Variants in CARD18 observed in about 807,000 individuals in gnomAD.
The protein encoded by CARD18 is caspase recruitment domain family member 18.
In CARD18, 7 loss-of-function variants were observed where a neutral mutation model predicts 7.9. That is an observed-to-expected ratio of 0.88 (90% confidence interval 0.50 to 1.66). The LOEUF (loss-of-function observed/expected upper bound fraction) is 1.66. Among genes scored for constraint, CARD18 ranks in the 40% most tolerant of loss-of-function variants. The probability of loss-of-function intolerance (pLI) is 0.00; values close to 1 mark genes in which losing one functional copy is unlikely to be tolerated. For missense variants in CARD18, 134 were observed against 105.5 expected, an observed-to-expected ratio of 1.27 and a Z score of -1.18; for synonymous variants, 34 against 34.8, an observed-to-expected ratio of 0.98 and a Z score of 0.08.
Position 105,139,066 on chromosome 11 carries a change from C to A in CARD18, c.20G>T (p.Arg7Leu). 1.2e-6 allele frequency: 2 copies of A among 1,612,744 alleles called. No homozygotes were observed. Among genetic ancestry groups the A allele is most frequent in the Non-Finnish European group, 1.7e-6 (2 of 1,179,308 alleles). The change falls in exon 2 of 3, where the codon CGT becomes CTT. Residue 7 changes from arginine (R) to leucine (L), a missense_variant. Physicochemically the swap from Arg to Leu is moderately radical, Grantham distance 102. Coordinates refer to ENST00000530950, the MANE Select transcript of CARD18 (RefSeq NM_021571.4). ...ATGGATAAAAATTCTTCTCTTTTTA[C>A]GCAAGAGTTGGTCTGTTGGAAGCAC... MADQLL[R>L]KKRRIFIHSV...
intron 1 of CARD18, chr11:105,139,407 C>T (rs1045617885): frequency 2.4e-5 from 13 of 535,232 alleles, no homozygotes; most frequent in Non-Finnish European, 4.0e-5. Context: ...TTGACTGTTT[C>T]CTTTGAGAAC....
rs987895757 is a variant in CARD18 at position 105,139,070 on chromosome 11, A to G, written c.16T>C (p.Leu6=). The G allele has an allele frequency of 3.1e-6, 5 of 1,612,568 alleles. 1 individual carries two copies. The highest frequency in any genetic ancestry group is 1.3e-5 in the African/African-American group (1 of 75,002). Residue 6 remains leucine (L), a synonymous_variant, in exon 2 of 3, where the codon TTG becomes CTG. Coordinates refer to ENST00000530950, the MANE Select transcript of CARD18 (RefSeq NM_021571.4). The part of the protein sequence containing the change: MADQL[L]RKKRRIFIHS... Reference sequence around the variant, plus strand: ...ATAAAAATTCTTCTCTTTTTACGCAAGAGTTGGTCTGTTGGAAGCACAAAG... The same window carrying G: ...ATAAAAATTCTTCTCTTTTTACGCAGGAGTTGGTCTGTTGGAAGCACAAAG...
At chr11:105,139,673 A>G (rs1865448978) in intron 1 of CARD18, 47 bp downstream of exon 1, 2 of 1,596,108 alleles carry the variant, frequency 1.3e-6, no homozygotes, top group Non-Finnish European at 1.7e-6. Flanking sequence ...GTCCTTTCCC[A>G]AACTAATTCC....
rs1865426093 is a variant in CARD18 at position 105,137,969 on chromosome 11, A to G, written c.*131T>C. On this transcript the variant is annotated 3_prime_UTR_variant, in exon 3 of 3. Transcript: ENST00000530950. ...TGAGAGAATGAAAGATTTATTGGAA[A>G]TTGATGAAATTAATCAGGTTTGAAA... 1 of 152,216 alleles carries G rather than the reference A, an allele frequency of 6.6e-6. No individual in the cohort carries two copies. The highest frequency in any genetic ancestry group is 2.4e-5 in the African/African-American group (1 of 41,462). The allele number at this position is 152,216 out of a possible 1,614,324, so 9.4% of individuals were successfully genotyped here. A position where few individuals can be genotyped will look rare whatever the true frequency, so the allele number is the denominator to read the frequency against.
intron 2 of CARD18, 33 bp downstream of exon 2, chr11:105,138,779 A>G: frequency 6.2e-7 from 1 of 1,607,908 alleles, no homozygotes; most frequent in Non-Finnish European, 8.5e-7. Context: ...TACAGGGCCT[A>G]TTTGGACATT....
chr11:105,138,456 T>C (rs1382053208), intron 2 of CARD18, among the ~76,000 whole-genome samples: 1 of 152,120 alleles, frequency 6.6e-6, no homozygotes, highest in Admixed American at 6.5e-5. Flanking sequence ...TCTCTTCTAA[T>C]AAATACATGG....
At chr11:105,139,541 T>A in intron 1 of CARD18, 179 bp downstream of exon 1, 1 of 620,250 alleles carries the variant, frequency 1.6e-6, no homozygotes, top group East Asian at 2.7e-5. Flanking sequence ...CTGGCCTTTA[T>A]CTGTTCCTTC....
intron 1 of CARD18, 32 bp downstream of exon 1, chr11:105,139,688 T>A: frequency 6.3e-7 from 1 of 1,598,296 alleles, no homozygotes; most frequent in Non-Finnish European, 8.5e-7. Flanking sequence ...AATTCCTCCC[T>A]AAGACCTATC....
In CARD18 at chr11:105,138,881, A is replaced by T; in HGVS notation, c.205T>A (p.Cys69Ser). The T allele has an allele frequency of 6.2e-7, 1 of 1,613,732 alleles. No homozygotes were observed. Among genetic ancestry groups the T allele is most frequent in the East Asian group, 2.2e-5 (1 of 44,862 alleles). The stretch of plus-strand genomic sequence containing the variant: ...CAGAGATGCTTGATAAATTTGCAGC[A>T]AGACTTGGGTCCTTTTCCAGTAACA... Reference protein sequence around the residue: ...DLVTGKGPKSCCKFIKHLCEE... With the variant: ...DLVTGKGPKSSCKFIKHLCEE... The change falls in exon 2 of 3, where the codon TGC (cysteine) becomes AGC (serine). Residue 69 changes from cysteine (C) to serine (S), a missense_variant. Cys to Ser is a moderately radical substitution (Grantham distance 112). Transcript: ENST00000530950.
intron 2 of CARD18, among the ~76,000 whole-genome samples, chr11:105,138,299 C>T (rs567260169): frequency 6.6e-6 from 1 of 152,036 alleles, no homozygotes; most frequent in Non-Finnish European, 1.5e-5. Flanking sequence ...TAATTTCATG[C>T]AAATATAATT....
intron 1 of CARD18, chr11:105,139,434 C>G (rs117417424): frequency 3.7e-6 from 2 of 545,788 alleles, no homozygotes; most frequent in Non-Finnish European, 6.5e-6. Context: ...TACTGATACC[C>G]ATCCTGTGCC....
rs1865446055 is a variant in CARD18 at position 105,139,400 on chromosome 11, A to G, written c.7+320T>C. ...GTTTCATGAATTTTGAAGGGAATTGACTGTTTCCTTTGAGAACAACAGCTA... is the reference window on the plus strand; with the variant it reads ...GTTTCATGAATTTTGAAGGGAATTGGCTGTTTCCTTTGAGAACAACAGCTA... On this transcript the variant is annotated intron_variant, in intron 1 of 2. Coordinates refer to ENST00000530950, the MANE Select transcript of CARD18 (RefSeq NM_021571.4). 8 of 537,254 alleles carry G rather than the reference A, an allele frequency of 1.5e-5. No homozygotes were observed. The South Asian group carries it at 2.1e-4, about 14-fold the overall frequency. The allele number at this position is 537,254 out of a possible 1,614,324, so 33.3% of individuals were successfully genotyped here.
intron 1 of CARD18, 117 bp downstream of exon 1, chr11:105,139,603 T>A: frequency 1.8e-6 from 2 of 1,135,412 alleles, no homozygotes; most frequent in South Asian, 2.8e-5. Context: ...TCCCTTCTTC[T>A]TTCTCTCTCC....
intron 1 of CARD18, 151 bp downstream of exon 1, chr11:105,139,569 C>A: frequency 1.3e-6 from 1 of 742,782 alleles, no homozygotes; most frequent in Admixed American, 2.4e-5. Context: ...CTGTGCAAGT[C>A]TGGGCATCTT....
rs112356990 is a variant in CARD18 at position 105,139,183 on chromosome 11, G to C, written c.8-105C>G. 4,484 of 1,270,396 alleles carry C rather than the reference G, an allele frequency of 3.5e-3. 82 individuals carry two copies. The highest frequency in any genetic ancestry group is 0.033 in the South Asian group (2,365 of 70,730). 78.7% of individuals were successfully genotyped at this position (1,270,396 alleles called of 1,614,324 possible). ...TTAAACATTTCTCTCCACAAGTACA[G>C]TAATCCCAAGGAACGGTCTTATACC... On this transcript the variant is annotated intron_variant, in intron 1 of 2. Transcript: ENST00000530950.
At chr11:105,139,406 T>C (rs1865446130) in intron 1 of CARD18, 5 of 535,480 alleles carry the variant, frequency 9.3e-6, no homozygotes, top group South Asian at 5.4e-5. Flanking sequence ...ATTGACTGTT[T>C]CCTTTGAGAA....
rs1865441292 is a variant in CARD18 at position 105,139,027 on chromosome 11, C to T, written c.59G>A (p.Gly20Asp). Residue 20 changes from glycine (G) to aspartate (D), a missense_variant, in exon 2 of 3, where the codon GGC becomes GAC. Gly to Asp is a moderately conservative substitution (Grantham distance 94). Transcript: ENST00000530950. ...GCAATCCAGCAAGGCATTTATTGTG[C>T]CTGCACCCACTGAATGGATAAAAAT... Reference protein sequence around the residue: ...RRIFIHSVGAGTINALLDCLL... With the variant: ...RRIFIHSVGADTINALLDCLL... 3 of 1,613,432 alleles carry T rather than the reference C, an allele frequency of 1.9e-6. No homozygotes were observed. The highest frequency in any genetic ancestry group is 2.7e-5 in the African/African-American group (2 of 74,894).
intron 2 of CARD18, among the ~76,000 whole-genome samples, chr11:105,138,463 A>T (rs138562210): frequency 1.3e-5 from 2 of 152,238 alleles, no homozygotes; most frequent in South Asian, 2.1e-4. Flanking sequence ...TAATAAATAC[A>T]TGGGCTTCTT....
rs753158470 is a variant in CARD18, at chr11:105,138,909, G to T, written c.177C>A (p.Asp59Glu). Residue 59 changes from aspartate to glutamate, a missense_variant, in exon 2 of 3, where the codon GAC (aspartate) becomes GAA (glutamate). By Grantham distance (45) the Asp-to-Glu change is conservative. Transcript: ENST00000530950. ...TVMDKARVLI[D>E]LVTGKGPKSC... ...ACTTGGGTCCTTTTCCAGTAACAAG[G>T]TCAATCAAGACTCGAGCCTTATCCA... The T allele has an allele frequency of 6.2e-7, 1 of 1,613,690 alleles. No homozygotes were observed. The highest frequency in any genetic ancestry group is 8.5e-7 in the Non-Finnish European group (1 of 1,179,720).
Sources: gnomAD v4.1 joint callset for allele counts (sites outside exome capture counted in the v4.1 genomes callset) on GRCh38, gnomAD v4.1.1 for gene constraint, MANE v1.5 for transcripts, NCBI Gene and HGNC (gene_info 2026-07-23, HGNC 2026-07-21) for gene names.